EDIL3: variants seen among roughly 807,000 people sequenced by gnomAD.
EDIL3 encodes EGF-like repeat and discoidin I-like domain-containing protein 3.
EDIL3 carries 37 observed loss-of-function variants against 67.4 expected under a neutral mutation model. The observed-to-expected ratio is 0.55, with a 90% CI of 0.42 to 0.72. The LOEUF (loss-of-function observed/expected upper bound fraction) is 0.72. EDIL3 is among the 30% of genes least tolerant of loss of function. The pLI is 0.00. For synonymous variants in EDIL3, 195 were observed against 196.3 expected, an observed-to-expected ratio of 0.99 and a Z score of 0.05; for missense variants, 527 against 586.3, an observed-to-expected ratio of 0.90 and a Z score of 1.04.
At chr5:84,315,136 C>A (rs1331456297) in intron 1 of EDIL3, among the ~76,000 whole-genome samples, 1 of 152,002 alleles carries the variant, frequency 6.6e-6, no homozygotes, top group African/African-American at 2.4e-5. Flanking sequence ...ACCCATGATC[C>A]AATTGAAAAT....
intron 6 of EDIL3, among the ~76,000 whole-genome samples, chr5:84,094,626 A>G (rs187285160): frequency 6.6e-6 from 1 of 152,342 alleles, no homozygotes; most frequent in East Asian, 1.9e-4. Flanking sequence ...TTACATACAG[A>G]CATATGAAAT....
intron 9 of EDIL3, among the ~76,000 whole-genome samples, chr5:83,986,848 T>C (rs1745065193): frequency 6.6e-6 from 1 of 152,024 alleles, no homozygotes; most frequent in Admixed American, 6.6e-5. Context: ...TTGAAGGGGC[T>C]TTATGGTTTG....
intron 6 of EDIL3, among the ~76,000 whole-genome samples, chr5:84,081,402 A>G (rs1746964974): frequency 6.6e-6 from 1 of 152,230 alleles, no homozygotes; most frequent in South Asian, 2.1e-4. Context: ...GATAAAGTTG[A>G]AGAAGAAACA....
At chr5:84,283,987 A>T (rs752594644) in intron 1 of EDIL3, among the ~76,000 whole-genome samples, 4 of 151,972 alleles carry the variant, frequency 2.6e-5, no homozygotes, top group Non-Finnish European at 5.9e-5. Flanking sequence ...AATCCTTTTC[A>T]TATTCTACCT....
chr5:84,004,544 C>T (rs1745381513), intron 9 of EDIL3, among the ~76,000 whole-genome samples: 1 of 151,976 alleles, frequency 6.6e-6, no homozygotes, highest in Non-Finnish European at 1.5e-5. Context: ...TCTCTTAAAA[C>T]CATAAAATTA....
At chr5:84,329,837 TAAG>T (rs1271156978) in intron 1 of EDIL3, among the ~76,000 whole-genome samples, 2 of 152,050 alleles carry the variant, frequency 1.3e-5, no homozygotes, top group African/African-American at 2.4e-5. Context: ...TACTGTCAAA[TAAG>T]AAGAAAGGTC....
chr5:84,095,940 A>T (rs911887570), intron 6 of EDIL3, among the ~76,000 whole-genome samples: 3 of 152,198 alleles, frequency 2.0e-5, no homozygotes, highest in Admixed American at 2.0e-4. Context: ...TGCTGTGTGC[A>T]GCCTAGGGAC....
At chr5:84,281,987 C>T (rs1745713434) in intron 1 of EDIL3, among the ~76,000 whole-genome samples, 1 of 150,308 alleles carries the variant, frequency 6.7e-6, no homozygotes. Context: ...CTGCCTCAGC[C>T]TCTGAAGTAG....
chr5:83,973,458 G>C (rs948539563), intron 9 of EDIL3, among the ~76,000 whole-genome samples: 3 of 152,060 alleles, frequency 2.0e-5, no homozygotes, highest in Admixed American at 6.6e-5. Flanking sequence ...ACCTGAAAGA[G>C]TTTGTTATTT....
intron 2 of EDIL3, among the ~76,000 whole-genome samples, chr5:84,230,798 T>TGTGTGTGTGA (rs1491220256): frequency 4.7e-5 from 7 of 150,498 alleles, no homozygotes; most frequent in Non-Finnish European, 7.4e-5. Flanking sequence ...TGTGTGTGTG[T>TGTGTGTGTGA]GACATACACA....
chr5:83,966,228 G>T lies in EDIL3; in HGVS notation c.1138-2868C>A, dbSNP rs1460865090. ...ATTTAGGGCACTGAGCTGGCTCATGGGTAGACATTTGGCTTCATGCACTGC... is the reference window on the plus strand; with the variant it reads ...ATTTAGGGCACTGAGCTGGCTCATGTGTAGACATTTGGCTTCATGCACTGC... On this transcript the variant is annotated intron_variant, in intron 9 of 10. Coordinates refer to ENST00000296591, the MANE Select transcript of EDIL3 (RefSeq NM_005711.5). Among the ~76,000 whole-genome samples, 8 of 152,048 alleles carry T rather than the reference G, an allele frequency of 5.3e-5. No individual in the cohort carries two copies. In the South Asian group the frequency reaches 1.5e-3, roughly 28 times the overall value.
intron 5 of EDIL3, among the ~76,000 whole-genome samples, chr5:84,107,677 C>T (rs1191140189): frequency 3.3e-5 from 5 of 150,716 alleles, no homozygotes; most frequent in African/African-American, 4.9e-5. Flanking sequence ...ATGATATGTT[C>T]TCAGATACCA....
At chr5:84,068,701 G>A (rs1165116209) in intron 6 of EDIL3, among the ~76,000 whole-genome samples, 1 of 152,054 alleles carries the variant, frequency 6.6e-6, no homozygotes. Context: ...AAATTAAAAT[G>A]AAAAAATTTA....
chr5:84,001,269 A>C (rs1745326118), intron 9 of EDIL3, among the ~76,000 whole-genome samples: 1 of 152,058 alleles, frequency 6.6e-6, no homozygotes. Flanking sequence ...AGCTGGTCTC[A>C]AACTTCAGAC....
intron 9 of EDIL3, among the ~76,000 whole-genome samples, chr5:83,974,208 C>G (rs1022292486): frequency 4.6e-5 from 7 of 151,456 alleles, no homozygotes; most frequent in South Asian, 2.1e-4. Flanking sequence ...CCAAAGAAAC[C>G]CAGATGTAAC....
chr5:84,384,225 A>T, intron 1 of EDIL3, 83 bp downstream of exon 1: 1 of 1,494,182 alleles, frequency 6.7e-7, no homozygotes, highest in Non-Finnish European at 9.0e-7. Context: ...CGCCGGAGGG[A>T]CCGCCTCCGG....
At chr5:84,333,679 G>T (rs1308539161) in intron 1 of EDIL3, among the ~76,000 whole-genome samples, 1 of 152,064 alleles carries the variant, frequency 6.6e-6, no homozygotes, top group Non-Finnish European at 1.5e-5. Context: ...TAATAATCAA[G>T]TAGAATAATA....
At chr5:84,190,533 C>A (rs1743556883) in intron 3 of EDIL3, among the ~76,000 whole-genome samples, 1 of 136,412 alleles carries the variant, frequency 7.3e-6, no homozygotes, top group African/African-American at 2.9e-5. Context: ...ACCAGTATTT[C>A]TACATATATA....
chr5:84,108,024 A>G (rs1747493848), intron 5 of EDIL3, among the ~76,000 whole-genome samples: 1 of 151,370 alleles, frequency 6.6e-6, no homozygotes, highest in Non-Finnish European at 1.5e-5. Flanking sequence ...CATTGCTACT[A>G]CTAAATATCA....
Sources: gnomAD v4.1 joint callset for allele counts (sites outside exome capture counted in the v4.1 genomes callset) on GRCh38, gnomAD v4.1.1 for gene constraint, MANE v1.5 for transcripts, NCBI Gene and HGNC (gene_info 2026-07-23, HGNC 2026-07-21) for gene names.